Variants in EFNA2 observed in about 807,000 individuals in gnomAD.
EFNA2 encodes the protein ephrin A2.
EFNA2 carries 18 observed loss-of-function variants against 19.7 expected under a neutral mutation model. That is an observed-to-expected ratio of 0.91 (90% CI 0.63 to 1.35). The LOEUF (loss-of-function observed/expected upper bound fraction) is 1.35, where lower values mean the gene tolerates loss of function less well. Among genes scored for constraint, EFNA2 ranks in the 40% most tolerant of loss-of-function variants. EFNA2 has a pLI of 0.00. For synonymous variants in EFNA2, 187 were observed against 137.8 expected (o/e 1.36, Z -2.50); for missense variants, 303 against 296.0 (o/e 1.02, Z -0.17).
Position 1,295,934 on chromosome 19 carries a change from A to C in EFNA2, c.454+76A>C. 1 of 925,114 alleles carries C rather than the reference A, an allele frequency of 1.1e-6. No individual in the cohort carries two copies. 57.3% of individuals were successfully genotyped at this position (925,114 alleles called of 1,614,324 possible). ...GGGGCGGGGCCAGGAAGTGGGCGGGACCACTGGGGTGGGGCCGGGGAGTGG... is the reference window on the plus strand; with the variant it reads ...GGGGCGGGGCCAGGAAGTGGGCGGGCCCACTGGGGTGGGGCCGGGGAGTGG... On this transcript the variant is annotated intron_variant, in intron 2 of 3. Coordinates refer to ENST00000215368, the MANE Select transcript of EFNA2 (RefSeq NM_001405.4). The surrounding 1 kb of genome is among the most constrained non-coding windows in gnomAD (Gnocchi z 5.8).
chr19:1,301,196 G>A lies in EFNA2; in HGVS notation c.*1251G>A, dbSNP rs2081541650. Among the ~76,000 whole-genome samples, 1 of 148,878 alleles carries A rather than the reference G, an allele frequency of 6.7e-6. No individual in the cohort carries two copies. Among genetic ancestry groups the A allele is most frequent in the Non-Finnish European group, 1.5e-5 (1 of 67,544 alleles). On this transcript the variant is annotated 3_prime_UTR_variant, in exon 4 of 4. Transcript: ENST00000215368. ...TTATACGGATTTCATATTTCTACCC[G>A]CCTTTCCTGACTCTGTGTTTTATAT... is the stretch of plus-strand genomic sequence containing the variant.
At chr19:1,298,785 G>A (rs957445004) in intron 3 of EFNA2, among the ~76,000 whole-genome samples, 169 bp downstream of exon 3, 2 of 152,182 alleles carry the variant, frequency 1.3e-5, no homozygotes, top group African/African-American at 2.4e-5. Flanking sequence ...TCAGACCTTC[G>A]AGAGTGAAGG....
chr19:1,289,839 G>A (rs1051479100), intron 1 of EFNA2, among the ~76,000 whole-genome samples: 4 of 152,222 alleles, frequency 2.6e-5, no homozygotes, highest in Admixed American at 6.5e-5. Context: ...CTCCGCTGGC[G>A]TCCCTCGGCC....
Position 1,297,291 on chromosome 19 carries a change from G to A in EFNA2, c.455-1260G>A, listed in dbSNP as rs1405474873. Among the ~76,000 whole-genome samples the A allele has an allele frequency of 6.6e-6, 1 of 152,146 alleles. No homozygotes were observed. The highest frequency in any genetic ancestry group is 1.5e-5 in the Non-Finnish European group (1 of 68,020). ...ATTGCCTCCTTTCTCTGCTCTAGTT[G>A]GATTTTTCCCTTTTAATTCAGGGAA... On this transcript the variant is annotated intron_variant, in intron 2 of 3. Transcript: ENST00000215368. The surrounding 1 kb of genome is among the most constrained non-coding windows in gnomAD (Gnocchi z 5.0).
chr19:1,290,412 G>A (rs1291599333), intron 1 of EFNA2, among the ~76,000 whole-genome samples: 4 of 152,220 alleles, frequency 2.6e-5, no homozygotes, highest in Non-Finnish European at 5.9e-5. Context: ...CAGAGGTTCC[G>A]TGGCGGGGGG....
At chr19:1,291,658 C>T (rs1600056697) in intron 1 of EFNA2, among the ~76,000 whole-genome samples, 1 of 152,348 alleles carries the variant, frequency 6.6e-6, no homozygotes, top group East Asian at 1.9e-4. Flanking sequence ...TCCTGGCTGC[C>T]GGCCACACCA....
chr19:1,286,199 C>T lies in EFNA2; in HGVS notation c.31C>T (p.Leu11=), dbSNP rs1426984055. The change falls in exon 1 of 4, where the codon CTG becomes TTG. Residue 11 remains leucine (L), a synonymous_variant. Coordinates refer to ENST00000215368, the MANE Select transcript of EFNA2 (RefSeq NM_001405.4). This position sits in a 1 kb window ranked among gnomAD's most constrained non-coding sequence, Gnocchi z 5.6. MAPAQRPLLP[L]LLLLLPLPPP... is the part of the protein sequence containing the mutation. ...GCCCGCGCAGCGCCCGCTGCTCCCG[C>T]TGCTGCTCCTGCTGTTACCGCTGCC... 2 of 1,066,004 alleles carry T rather than the reference C, an allele frequency of 1.9e-6. No individual in the cohort carries two copies. Among genetic ancestry groups the T allele is most frequent in the African/African-American group, 1.7e-5 (1 of 57,842 alleles). 66.0% of individuals were successfully genotyped at this position (1,066,004 alleles called of 1,614,324 possible). A position where few individuals can be genotyped will look rare whatever the true frequency, so the allele number is the denominator to read the frequency against.
At chr19:1,292,993 T>A (rs944450666) in intron 1 of EFNA2, among the ~76,000 whole-genome samples, 1 of 152,170 alleles carries the variant, frequency 6.6e-6, no homozygotes, top group Non-Finnish European at 1.5e-5. Context: ...ACAGGGCTGG[T>A]GCTGTGGGCA....
chr19:1,292,783 G>A (rs1361773302), intron 1 of EFNA2, among the ~76,000 whole-genome samples: 3 of 152,332 alleles, frequency 2.0e-5, no homozygotes, highest in Middle Eastern at 3.4e-3. Context: ...GCAGAAGAGC[G>A]AGGCTTGGGA....
At chr19:1,289,826 T>A (rs1317929507) in intron 1 of EFNA2, among the ~76,000 whole-genome samples, 2 of 151,726 alleles carry the variant, frequency 1.3e-5, no homozygotes, top group African/African-American at 4.9e-5. Flanking sequence ...TCGCTCCCCG[T>A]GGCTCCGCTG....
At position 1,301,176 on chromosome 19, in the gene EFNA2, C is replaced by T. The variant is rs766903904; in HGVS notation, c.*1231C>T. On this transcript the variant is annotated 3_prime_UTR_variant, in exon 4 of 4. Coordinates refer to ENST00000215368, the MANE Select transcript of EFNA2 (RefSeq NM_001405.4). ...TAATGAAGGAAACAACACATTTATA[C>T]GGATTTCATATTTCTACCCGCCTTT... is the stretch of plus-strand genomic sequence containing the variant. Among the ~76,000 whole-genome samples the T allele has an allele frequency of 1.6e-4, 24 of 149,866 alleles. No individual in the cohort carries two copies. Among genetic ancestry groups the T allele is most frequent in the Non-Finnish European group, 3.5e-4 (24 of 67,682 alleles).
At chr19:1,284,940 A>G (rs2081456432), upstream of EFNA2, among the ~76,000 whole-genome samples, 1 of 152,222 alleles carries the variant, frequency 6.6e-6, no homozygotes, top group East Asian at 1.9e-4. The surrounding 1 kb of genome is among the most constrained non-coding windows in gnomAD (Gnocchi z 5.3). Context: ...AGGCTGTGGC[A>G]TGAATAAGGG....
intron 1 of EFNA2, among the ~76,000 whole-genome samples, chr19:1,292,183 CAG>C (rs938362438): frequency 2.0e-5 from 3 of 152,222 alleles, no homozygotes; most frequent in African/African-American, 7.2e-5. Context: ...CCACCCTCAA[CAG>C]GGGCAACGCG....
intron 1 of EFNA2, among the ~76,000 whole-genome samples, chr19:1,289,378 G>A (rs2081481132): frequency 6.6e-6 from 1 of 152,226 alleles, no homozygotes; most frequent in Non-Finnish European, 1.5e-5. Flanking sequence ...GTGCATGTAA[G>A]TGTGTCTCCC....
rs543114273 is a variant in EFNA2 at position 1,294,854 on chromosome 19, G to A, written c.141-691G>A. On this transcript the variant is annotated intron_variant, in intron 1 of 3. Coordinates refer to ENST00000215368, the MANE Select transcript of EFNA2 (RefSeq NM_001405.4). This position sits in a 1 kb window ranked among gnomAD's most constrained non-coding sequence, Gnocchi z 5.8. ...GTCCTTCTCAACAGGTGGGAGTGCA[G>A]AATGAAAGCAGGGCTGGGGGCTGCC... is the stretch of plus-strand genomic sequence containing the variant. Among the ~76,000 whole-genome samples the A allele has an allele frequency of 2.0e-5, 3 of 152,172 alleles. No individual in the cohort carries two copies. The highest frequency in any genetic ancestry group is 7.2e-5 in the African/African-American group (3 of 41,518).
intron 1 of EFNA2, among the ~76,000 whole-genome samples, chr19:1,290,461 G>C (rs2081486193): frequency 6.6e-6 from 1 of 152,192 alleles, no homozygotes. Flanking sequence ...CCCGTCTCTG[G>C]GCTGACGTCT....
chr19:1,286,224 CG>C lies in EFNA2; in HGVS notation c.57del (p.Pro20ArgfsTer44). ...CTGCTGCTCCTGCTGTTACCGCTGC[CG>C]CCGCCGCCCTTCGCGCGCGCCGAGG... ...LPLLLLLLPL[P>X]PPPFARAEDA... On this transcript the variant is annotated frameshift_variant, in exon 1 of 4. Transcript: ENST00000215368. LOFTEE classifies it high-confidence loss of function. This position sits in a 1 kb window ranked among gnomAD's most constrained non-coding sequence, Gnocchi z 5.6. The C allele has an allele frequency of 9.0e-7, 1 of 1,117,278 alleles. No individual in the cohort carries two copies. The allele number at this position is 1,117,278 out of a possible 1,614,324, so 69.2% of individuals were successfully genotyped here.
intron 3 of EFNA2, among the ~76,000 whole-genome samples, chr19:1,299,564 A>G (rs2144626324): frequency 6.6e-6 from 1 of 151,892 alleles, no homozygotes; most frequent in East Asian, 1.9e-4. Context: ...AAAAATAAAT[A>G]AATAAATAAA....
intron 1 of EFNA2, among the ~76,000 whole-genome samples, chr19:1,290,315 T>C (rs1028248427): frequency 6.6e-6 from 1 of 152,170 alleles, no homozygotes; most frequent in African/African-American, 2.4e-5. Context: ...TCCCCATCTC[T>C]GGGCATCCTG....
Sources: gnomAD v4.1 joint callset for allele counts (sites outside exome capture counted in the v4.1 genomes callset) on GRCh38, gnomAD v4.1.1 for gene constraint, Gnocchi (gnomAD v3.1) non-coding constraint, MANE v1.5 for transcripts, NCBI Gene and HGNC (gene_info 2026-07-23, HGNC 2026-07-21) for gene names.